The following ZNF785 variants were observed in gnomAD, a reference collection of about 807,000 sequenced individuals.
ZNF785 encodes the protein zinc finger protein 785.
Under a neutral mutation model 11.3 loss-of-function variants are expected in ZNF785, and 15 were observed. That is an observed-to-expected ratio of 1.32 (90% CI 0.89 to 2.04). The LOEUF (loss-of-function observed/expected upper bound fraction) is 2.04. ZNF785 is among the 30% of genes most tolerant of loss of function. ZNF785 has a pLI of 0.00. For synonymous variants in ZNF785, 221 were observed against 231.0 expected (o/e 0.96, Z 0.39); for missense variants, 572 against 560.9 (o/e 1.02, Z -0.20).
Position 30,583,182 on chromosome 16 carries a change from G to A in ZNF785, c.596C>T (p.Pro199Leu). Residue 199 changes from proline to leucine, a missense_variant, in exon 3 of 3, where the codon CCC (proline) becomes CTC (leucine). By Grantham distance (98) the Pro-to-Leu change is moderately conservative (BLOSUM62 -3). Transcript: ENST00000395216. ...SHQRVHSGERPFSCGQCQARF... is the reference protein window; with the variant it reads ...SHQRVHSGERLFSCGQCQARF... ...CGCCTGACACTGGCCGCAGGAGAAG[G>A]GCCGCTCCCCGGAGTGGACCCGCTG... The A allele has an allele frequency of 6.2e-7, 1 of 1,614,094 alleles. No homozygotes were observed. Among genetic ancestry groups the A allele is most frequent in the Non-Finnish European group, 8.5e-7 (1 of 1,180,002 alleles).
chr16:30,585,277 C>T lies in ZNF785; in HGVS notation c.206-27G>A. On this transcript the variant is annotated intron_variant, in intron 1 of 2. Coordinates refer to ENST00000395216, the MANE Select transcript of ZNF785 (RefSeq NM_152458.7). This position sits in a 1 kb window ranked among gnomAD's most constrained non-coding sequence, Gnocchi z 4.0. ...TGCGAAGGAGAAACAATGGGCTCGG[C>T]TGAGCGCACGGGAGGGGAGAATGAG... The T allele has an allele frequency of 6.2e-7, 1 of 1,612,116 alleles. No homozygotes were observed. Among genetic ancestry groups the T allele is most frequent in the Non-Finnish European group, 8.5e-7 (1 of 1,179,342 alleles).
downstream of ZNF785, among the ~76,000 whole-genome samples, chr16:30,580,178 C>CGT (rs1347341799): frequency 1.3e-3 from 181 of 142,462 alleles, no homozygotes; most frequent in Admixed American, 2.1e-3. Flanking sequence ...TGAGCCACCA[C>CGT]ACCAGGCCTT....
Position 30,582,786 on chromosome 16 carries a change from C to G in ZNF785, c.992G>C (p.Arg331Pro). 6.2e-7 allele frequency: 1 copy of G among 1,606,676 alleles called. No homozygotes were observed. Among genetic ancestry groups the G allele is most frequent in the Non-Finnish European group, 8.5e-7 (1 of 1,175,240 alleles). The change falls in exon 3 of 3, where the codon CGG becomes CCG. Residue 331 changes from arginine to proline, a missense_variant. Arg to Pro is a moderately radical substitution (Grantham distance 103). Transcript: ENST00000395216. ...FTYSSLLLSH[R>P]RIHSDSRPFP... The stretch of plus-strand genomic sequence containing the variant: ...GGGCCGGCTGTCGGAGTGAATGCGC[C>G]GGTGACTGAGGAGGAGGGAAGAATA...
In ZNF785 at chr16:30,585,133, C is replaced by G; in HGVS notation, c.323G>C (p.Gly108Ala). The G allele has an allele frequency of 6.2e-7, 1 of 1,612,338 alleles. No homozygotes were observed. Among genetic ancestry groups the G allele is most frequent in the South Asian group, 1.1e-5 (1 of 90,944 alleles). Residue 108 changes from glycine (G) to alanine (A), a missense_variant, in exon 2 of 3, where the codon GGA becomes GCA. Gly to Ala is a moderately conservative substitution (Grantham distance 60). Coordinates refer to ENST00000395216, the MANE Select transcript of ZNF785 (RefSeq NM_152458.7). This position sits in a 1 kb window ranked among gnomAD's most constrained non-coding sequence, Gnocchi z 4.0. Reference sequence around the variant, plus strand: ...TCCAAATGAAGTACCTGCTTCCTGTCCTTGGCCCCTGCTGAAAGCTGCAGA... The same window carrying G: ...TCCAAATGAAGTACCTGCTTCCTGTGCTTGGCCCCTGCTGAAAGCTGCAGA... The part of the protein sequence containing the change: ...ESSAAFSRGQ[G>A]QEAGSRDGNE...
chr16:30,580,174 ACC>A (rs1491171237), downstream of ZNF785, among the ~76,000 whole-genome samples: 188 of 138,954 alleles, frequency 1.4e-3, no homozygotes, highest in Admixed American at 2.3e-3. Flanking sequence ...GGCGTGAGCC[ACC>A]ACACCAGGCC....
Position 30,582,197 on chromosome 16 carries a change from T to A in ZNF785, c.*363A>T, listed in dbSNP as rs899045430. 1 of 248,592 alleles carries A rather than the reference T, an allele frequency of 4.0e-6. No homozygotes were observed. The highest frequency in any genetic ancestry group is 5.8e-5 in the South Asian group (1 of 17,326). 15.4% of individuals were successfully genotyped at this position (248,592 alleles called of 1,614,324 possible). Reference sequence around the variant, plus strand: ...CCAGAGTGGGTGCAGGCTCCTTTAATAGGCACTGGAATGTAGGGGACCCCA... The same window carrying A: ...CCAGAGTGGGTGCAGGCTCCTTTAAAAGGCACTGGAATGTAGGGGACCCCA... On this transcript the variant is annotated 3_prime_UTR_variant, in exon 3 of 3. Coordinates refer to ENST00000395216, the MANE Select transcript of ZNF785 (RefSeq NM_152458.7).
Position 30,585,005 on chromosome 16 carries a change from G to T in ZNF785, c.334+117C>A. 1 of 1,370,476 alleles carries T rather than the reference G, an allele frequency of 7.3e-7. No individual in the cohort carries two copies. The highest frequency in any genetic ancestry group is 9.8e-7 in the Non-Finnish European group (1 of 1,023,858). 84.9% of individuals were successfully genotyped at this position (1,370,476 alleles called of 1,614,324 possible). On this transcript the variant is annotated intron_variant, in intron 2 of 2. Coordinates refer to ENST00000395216, the MANE Select transcript of ZNF785 (RefSeq NM_152458.7). This position sits in a 1 kb window ranked among gnomAD's most constrained non-coding sequence, Gnocchi z 4.0. Reference sequence around the variant, plus strand: ...TTGCAGTGAGATGAGGACGTTTCTGGGGTAGGGTGCAGGGAGACAGGATGG... The same window carrying T: ...TTGCAGTGAGATGAGGACGTTTCTGTGGTAGGGTGCAGGGAGACAGGATGG...
At position 30,585,334 on chromosome 16, in the gene ZNF785, C is replaced by T; in HGVS notation, c.205+73G>A. The T allele has an allele frequency of 6.3e-7, 1 of 1,578,664 alleles. No homozygotes were observed. Among genetic ancestry groups the T allele is most frequent in the Non-Finnish European group, 8.6e-7 (1 of 1,164,456 alleles). On this transcript the variant is annotated intron_variant, in intron 1 of 2. Transcript: ENST00000395216. The surrounding 1 kb of genome is among the most constrained non-coding windows in gnomAD (Gnocchi z 4.0). ...CCCTCGGCGCCCCGCTTCCAGCCCA[C>T]TAGCCTCTGGGGACACCGATCACCG...
intron 2 of ZNF785, 60 bp from the exon 3 acceptor site, chr16:30,583,503 T>C: frequency 6.6e-7 from 1 of 1,514,622 alleles, no homozygotes; most frequent in Non-Finnish European, 8.8e-7. Context: ...ACAGGAAAGA[T>C]GATAAAGTCA....
rs201224494 is a variant in ZNF785 at position 30,583,187 on chromosome 16, C to A, written c.591G>T (p.Glu197Asp). Residue 197 changes from glutamate (E) to aspartate (D), a missense_variant, in exon 3 of 3, where the codon GAG becomes GAT. By Grantham distance (45) the Glu-to-Asp change is conservative (BLOSUM62 2). Transcript: ENST00000395216. ...GACACTGGCCGCAGGAGAAGGGCCG[C>A]TCCCCGGAGTGGACCCGCTGGTGGC... is the stretch of plus-strand genomic sequence containing the variant. The part of the protein sequence containing the change: ...LASHQRVHSG[E>D]RPFSCGQCQA... The A allele has an allele frequency of 6.2e-6, 10 of 1,614,086 alleles. No homozygotes were observed. Among genetic ancestry groups the A allele is most frequent in the Non-Finnish European group, 8.5e-6 (10 of 1,179,994 alleles).
rs370486772 is a variant in ZNF785, at chr16:30,582,668, C to G, written c.1110G>C (p.Ala370=). 2 of 1,614,164 alleles carry G rather than the reference C, an allele frequency of 1.2e-6. No individual in the cohort carries two copies. The highest frequency in any genetic ancestry group is 3.3e-5 in the Admixed American group (2 of 60,032). The change falls in exon 3 of 3, where the codon GCG becomes GCC. Residue 370 remains alanine (A), a synonymous_variant. Transcript: ENST00000395216. The part of the protein sequence containing the change: ...WIHRSCSERR[A]WQQAVVGRSE... ...AACGCCCCACCACGGCCTGCTGCCACGCGCGCCTCTCGCTGCAGGAGCGGT... is the reference window on the plus strand; with the variant it reads ...AACGCCCCACCACGGCCTGCTGCCAGGCGCGCCTCTCGCTGCAGGAGCGGT...
rs747749164 is a variant in ZNF785, at chr16:30,582,116, C to T, written c.*444G>A. ...AAGAAAAGAATCCTGGGATGAGCTC[C>T]GCCCCCCCCACCAGCCGAGGGACAG... On this transcript the variant is annotated 3_prime_UTR_variant, in exon 3 of 3. Transcript: ENST00000395216. The T allele has an allele frequency of 1.9e-5, 3 of 161,824 alleles. No homozygotes were observed. Among genetic ancestry groups the T allele is most frequent in the Non-Finnish European group, 4.0e-5 (3 of 75,380 alleles). The allele number at this position is 161,824 out of a possible 1,614,324, so 10.0% of individuals were successfully genotyped here.
At position 30,583,198 on chromosome 16, in the gene ZNF785, G is replaced by A; in HGVS notation, c.580C>T (p.His194Tyr). Residue 194 changes from histidine to tyrosine, a missense_variant, in exon 3 of 3, where the codon CAC becomes TAC. His to Tyr is a moderately conservative substitution (Grantham distance 83, BLOSUM62 2). Transcript: ENST00000395216. The stretch of plus-strand genomic sequence containing the variant: ...CAGGAGAAGGGCCGCTCCCCGGAGT[G>A]GACCCGCTGGTGGCTGGCCAGGAGG... ...PSLLASHQRV[H>Y]SGERPFSCGQ... 2 of 1,614,086 alleles carry A rather than the reference G, an allele frequency of 1.2e-6. No homozygotes were observed. The highest frequency in any genetic ancestry group is 1.7e-6 in the Non-Finnish European group (2 of 1,180,000).
chr16:30,584,057 A>G (rs1346670103), intron 2 of ZNF785, among the ~76,000 whole-genome samples: 2 of 151,538 alleles, frequency 1.3e-5, no homozygotes, highest in Non-Finnish European at 2.9e-5. Flanking sequence ...AGGCAGGAGA[A>G]TCCCTGGAAC....
Position 30,585,589 on chromosome 16 carries a change from C to A in ZNF785, c.23G>T (p.Arg8Leu). The A allele has an allele frequency of 6.6e-7, 1 of 1,516,332 alleles. No individual in the cohort carries two copies. 93.9% of individuals were successfully genotyped at this position (1,516,332 alleles called of 1,614,324 possible). The change falls in exon 1 of 3, where the codon CGC becomes CTC. Residue 8 changes from arginine (R) to leucine (L), a missense_variant. By Grantham distance (102) the Arg-to-Leu change is moderately radical (BLOSUM62 -2). Transcript: ENST00000395216. This position sits in a 1 kb window ranked among gnomAD's most constrained non-coding sequence, Gnocchi z 4.0. ...GGCCTCCCCGGGTACGTGGGCCGGG[C>A]GCGGCGCCAGGGGCGGCCCCATGGG... MGPPLAP[R>L]PAHVPGEAGP...
Position 30,582,340 on chromosome 16 carries a change from G to C in ZNF785, c.*220C>G, listed in dbSNP as rs999782992. The C allele has an allele frequency of 1.5e-5, 9 of 615,438 alleles. No individual in the cohort carries two copies. The East Asian group carries it at 2.6e-4, about 18-fold the overall frequency. The allele number at this position is 615,438 out of a possible 1,614,324, so 38.1% of individuals were successfully genotyped here. On this transcript the variant is annotated 3_prime_UTR_variant, in exon 3 of 3. Transcript: ENST00000395216. ...TCAGTGAAGGATGGGACGTGAACAC[G>C]GGGCCCTGTGTGCTGGAGCTTCAGA...
Position 30,582,801 on chromosome 16 carries a change from A to G in ZNF785, c.977T>C (p.Leu326Pro). 1 of 1,607,050 alleles carries G rather than the reference A, an allele frequency of 6.2e-7. No homozygotes were observed. The highest frequency in any genetic ancestry group is 8.5e-7 in the Non-Finnish European group (1 of 1,175,492). Residue 326 changes from leucine (L) to proline (P), a missense_variant, in exon 3 of 3, where the codon CTC (leucine) becomes CCC (proline). Coordinates refer to ENST00000395216, the MANE Select transcript of ZNF785 (RefSeq NM_152458.7). ...GTGAATGCGCCGGTGACTGAGGAGG[A>G]GGGAAGAATAGGTGAAGCGGCGGCC... Reference protein sequence around the residue: ...DCGRRFTYSSLLLSHRRIHSD... With the variant: ...DCGRRFTYSSPLLSHRRIHSD...
Position 30,582,970 on chromosome 16 carries a change from G to T in ZNF785, c.808C>A (p.Leu270Met), listed in dbSNP as rs761470359. ...TGCTTGCGCTGGTGGATGGCCAGCA[G>T]GTAGGGGTAAGTGAAGCGACTCTTG... ...DCKSRFTYPYLLAIHQRKHTG... is the reference protein window; with the variant it reads ...DCKSRFTYPYMLAIHQRKHTG... The change falls in exon 3 of 3, where the codon CTG (leucine) becomes ATG (methionine). Residue 270 changes from leucine (L) to methionine (M), a missense_variant. Physicochemically the swap from Leu to Met is conservative, Grantham distance 15 (BLOSUM62 2). Coordinates refer to ENST00000395216, the MANE Select transcript of ZNF785 (RefSeq NM_152458.7). 1 of 1,614,134 alleles carries T rather than the reference G, an allele frequency of 6.2e-7. No homozygotes were observed. The highest frequency in any genetic ancestry group is 8.5e-7 in the Non-Finnish European group (1 of 1,180,010).
At position 30,585,457 on chromosome 16, in the gene ZNF785, G is replaced by T. The variant is rs1258847000; in HGVS notation, c.155C>A (p.Ala52Asp). 1 of 1,602,976 alleles carries T rather than the reference G, an allele frequency of 6.2e-7. No homozygotes were observed. Among genetic ancestry groups the T allele is most frequent in the Admixed American group, 1.7e-5 (1 of 58,490 alleles). ...EWECLRPAQR[A>D]LYRDVMRETF... ...CTCCCGCATCACGTCCCGGTACAGG[G>T]CCCTCTGCGCTGGCCGCAGGCATTC... Residue 52 changes from alanine to aspartate, a missense_variant, in exon 1 of 3, where the codon GCC (alanine) becomes GAC (aspartate). By Grantham distance (126) the Ala-to-Asp change is moderately radical. Transcript: ENST00000395216. The surrounding 1 kb of genome is among the most constrained non-coding windows in gnomAD (Gnocchi z 4.0).
Sources: allele counts gnomAD v4.1 joint callset (sites outside exome capture counted in the v4.1 genomes callset), GRCh38; gene constraint gnomAD v4.1.1; non-coding constraint Gnocchi (gnomAD v3.1); transcripts MANE v1.5; gene names NCBI Gene and HGNC (gene_info 2026-07-23, HGNC 2026-07-21).